CFAP299: variants seen among roughly 807,000 people sequenced by gnomAD.
The protein encoded by CFAP299 is cilia- and flagella-associated protein 299.
A neutral mutation model predicts 27.0 loss-of-function variants in CFAP299; 21 were observed. The ratio of observed to expected loss-of-function variants is 0.78; its 90% CI spans 0.55 to 1.12. The LOEUF is 1.12. CFAP299 is among the 50% of genes most tolerant of loss of function. The probability of loss-of-function intolerance (pLI) is 0.00; values close to 1 mark genes in which losing one functional copy is unlikely to be tolerated. For missense variants in CFAP299, 310 were observed against 276.6 expected, an observed-to-expected ratio of 1.12 and a Z score of -0.86; for synonymous variants, 104 against 98.1, an observed-to-expected ratio of 1.06 and a Z score of -0.36.
Position 80,667,320 on chromosome 4 carries a change from T to C in CFAP299, c.333+84137T>C, listed in dbSNP as rs528766390. Among the ~76,000 whole-genome samples, 3 of 152,316 alleles carry C rather than the reference T, an allele frequency of 2.0e-5. No homozygotes were observed. The East Asian group carries it at 5.8e-4, about 29-fold the overall frequency. ...TGTGATATTCATCATCTTAAATCTT[T>C]ATCTTTTCTTTATGCTAGAAACTTT... On this transcript the variant is annotated intron_variant, in intron 3 of 5. Transcript: ENST00000358105.
chr4:80,569,444 TATAAC>T (rs770317473), intron 2 of CFAP299, among the ~76,000 whole-genome samples: 16 of 152,064 alleles, frequency 1.1e-4, no homozygotes, highest in East Asian at 3.9e-4. Flanking sequence ...CTTTTACTGT[TATAAC>T]ATAAGACAAA....
intron 4 of CFAP299, chr4:80,872,620 C>G (rs1213210151): frequency 6.6e-6 from 1 of 152,244 alleles, no homozygotes; most frequent in South Asian, 2.1e-4. Flanking sequence ...GGTTATCCCT[C>G]ATCCTCACCA....
At chr4:80,895,046 G>T (rs2110190178) in intron 4 of CFAP299, among the ~76,000 whole-genome samples, 1 of 151,920 alleles carries the variant, frequency 6.6e-6, no homozygotes, top group South Asian at 2.1e-4. Context: ...GGTCAAATTG[G>T]ACAAAGTTTC....
intron 2 of CFAP299, among the ~76,000 whole-genome samples, chr4:80,514,566 G>C (rs930812899): frequency 6.6e-6 from 1 of 151,988 alleles, no homozygotes; most frequent in Non-Finnish European, 1.5e-5. Flanking sequence ...AAATAAAAAT[G>C]ATTATTTAAA....
intron 2 of CFAP299, among the ~76,000 whole-genome samples, chr4:80,390,758 T>TAC (rs1206035537): frequency 1.4e-5 from 2 of 145,242 alleles, no homozygotes; most frequent in East Asian, 2.0e-4. Flanking sequence ...TATACACACA[T>TAC]ATGTATATAT....
At chr4:80,810,351 G>GACAC (rs70956066) in intron 3 of CFAP299, among the ~76,000 whole-genome samples, 23,056 of 147,666 alleles carry the variant, frequency 0.16, 1,868 homozygotes, top group Middle Eastern at 0.22. Flanking sequence ...CCCAACCCCT[G>GACAC]ACACACACAC....
At chr4:80,514,152 T>G (rs1030906440) in intron 2 of CFAP299, among the ~76,000 whole-genome samples, 2 of 152,018 alleles carry the variant, frequency 1.3e-5, no homozygotes, top group African/African-American at 4.8e-5. Flanking sequence ...TCAAAGAGAT[T>G]TTTTATAATT....
chr4:80,386,258 C>T, intron 2 of CFAP299: 1 of 1,180,806 alleles, frequency 8.5e-7, no homozygotes, highest in Non-Finnish European at 1.2e-6. Flanking sequence ...CCCGCCAGAG[C>T]CAGGTTGGAG....
At chr4:80,754,590 A>G (rs1391643382) in intron 3 of CFAP299, among the ~76,000 whole-genome samples, 1 of 151,970 alleles carries the variant, frequency 6.6e-6, no homozygotes, top group Non-Finnish European at 1.5e-5. Flanking sequence ...TTAAACTCCA[A>G]TAGATCTGCA....
At chr4:80,764,148 C>T (rs903907273) in intron 3 of CFAP299, among the ~76,000 whole-genome samples, 4 of 152,086 alleles carry the variant, frequency 2.6e-5, no homozygotes, top group African/African-American at 9.7e-5. Flanking sequence ...AAGAAACTAT[C>T]ATCAGAGTGA....
At chr4:80,920,910 T>G (rs1736010155) in intron 4 of CFAP299, among the ~76,000 whole-genome samples, 1 of 152,182 alleles carries the variant, frequency 6.6e-6, no homozygotes, top group Non-Finnish European at 1.5e-5. Flanking sequence ...TCAGGGTTAC[T>G]CAACACAGTA....
intron 3 of CFAP299, among the ~76,000 whole-genome samples, chr4:80,806,015 A>C (rs1338913306): frequency 6.6e-6 from 1 of 152,228 alleles, no homozygotes; most frequent in Non-Finnish European, 1.5e-5. Flanking sequence ...AATAATAATG[A>C]CTTAGCTATA....
intron 3 of CFAP299, among the ~76,000 whole-genome samples, chr4:80,744,057 C>A (rs1342408946): frequency 2.0e-5 from 3 of 152,132 alleles, no homozygotes; most frequent in Non-Finnish European, 4.4e-5. Context: ...TAGATTATTT[C>A]ATTTATCTTT....
intron 2 of CFAP299, among the ~76,000 whole-genome samples, chr4:80,371,944 C>T (rs1724169543): frequency 6.6e-6 from 1 of 152,196 alleles, no homozygotes. Flanking sequence ...TTTCTATTAT[C>T]TTTATAGCAA....
intron 2 of CFAP299, among the ~76,000 whole-genome samples, chr4:80,548,714 C>A (rs1734360528): frequency 6.6e-6 from 1 of 152,110 alleles, no homozygotes; most frequent in Non-Finnish European, 1.5e-5. Flanking sequence ...GGACTCTGAT[C>A]AGGGTATGAT....
At chr4:80,519,161 G>T (rs997536219) in intron 2 of CFAP299, among the ~76,000 whole-genome samples, 1 of 150,416 alleles carries the variant, frequency 6.6e-6, no homozygotes, top group African/African-American at 2.5e-5. Flanking sequence ...ATGTGTTTGT[G>T]TGTGTACTCT....
chr4:80,421,165 A>G (rs1727270027), intron 2 of CFAP299, among the ~76,000 whole-genome samples: 1 of 152,112 alleles, frequency 6.6e-6, no homozygotes, highest in African/African-American at 2.4e-5. Context: ...CTACTCTCCA[A>G]TTCTGGGATC....
At chr4:80,463,847 G>A (rs1322305819) in intron 2 of CFAP299, among the ~76,000 whole-genome samples, 1 of 152,056 alleles carries the variant, frequency 6.6e-6, no homozygotes, top group Non-Finnish European at 1.5e-5. Flanking sequence ...CTGAAGTCAT[G>A]TTTTCCTATA....
intron 3 of CFAP299, among the ~76,000 whole-genome samples, chr4:80,602,715 G>A (rs1055272694): frequency 1.3e-5 from 2 of 152,082 alleles, no homozygotes; most frequent in Non-Finnish European, 2.9e-5. Flanking sequence ...CAGAAGGACA[G>A]CCTCTGGGGC....
Sources: allele counts gnomAD v4.1 joint callset (sites outside exome capture counted in the v4.1 genomes callset), GRCh38; gene constraint gnomAD v4.1.1; transcripts MANE v1.5; gene names NCBI Gene and HGNC (gene_info 2026-07-23, HGNC 2026-07-21).